Variants in NKAIN3 observed in about 807,000 individuals in gnomAD.
NKAIN3 encodes sodium/potassium-transporting ATPase subunit beta-1-interacting protein 3.
NKAIN3 carries 25 observed loss-of-function variants against 30.2 expected under a neutral mutation model. That is an observed-to-expected ratio of 0.83 (90% confidence interval 0.60 to 1.16). The LOEUF (loss-of-function observed/expected upper bound fraction) is 1.16. Among genes scored for constraint, NKAIN3 ranks in the 50% most tolerant of loss-of-function variants. NKAIN3 has a pLI of 0.00. For synonymous variants in NKAIN3, 91 were observed against 89.6 expected, an observed-to-expected ratio of 1.02 and a Z score of -0.09; for missense variants, 225 against 254.1, an observed-to-expected ratio of 0.89 and a Z score of 0.78.
chr8:62,565,289 A>C (rs1809714307), intron 1 of NKAIN3, among the ~76,000 whole-genome samples: 1 of 152,096 alleles, frequency 6.6e-6, no homozygotes, highest in African/African-American at 2.4e-5. Flanking sequence ...TCATTATATA[A>C]GACCAAACAT....
At chr8:62,508,654 C>G (rs1807720461) in intron 1 of NKAIN3, among the ~76,000 whole-genome samples, 1 of 152,184 alleles carries the variant, frequency 6.6e-6, no homozygotes, top group African/African-American at 2.4e-5. Flanking sequence ...CAGAATCAAT[C>G]TTCTGTAAAG....
intron 1 of NKAIN3, among the ~76,000 whole-genome samples, chr8:62,326,917 G>A (rs966468415): frequency 2.6e-5 from 4 of 151,892 alleles, no homozygotes; most frequent in South Asian, 2.1e-4. Context: ...TTACGTTGCC[G>A]CCGACAGGGA....
At position 62,977,170 on chromosome 8, in the gene NKAIN3, C is replaced by T. The variant is rs1417700881; in HGVS notation, c.*11763C>T. Among the ~76,000 whole-genome samples, 1 of 152,122 alleles carries T rather than the reference C, an allele frequency of 6.6e-6. No homozygotes were observed. The highest frequency in any genetic ancestry group is 2.4e-5 in the African/African-American group (1 of 41,430). On this transcript the variant is annotated 3_prime_UTR_variant, in exon 7 of 7. Transcript: ENST00000623646. ...CTGACGATTATGTGTCTTGGGGTTG[C>T]TCTTCTCAAAGAGTATCTTTGTGGT...
chr8:62,862,725 C>G (rs1820290329), intron 4 of NKAIN3, among the ~76,000 whole-genome samples: 1 of 151,906 alleles, frequency 6.6e-6, no homozygotes, highest in African/African-American at 2.4e-5. Flanking sequence ...GGATACAAGT[C>G]AATGACCTGA....
chr8:62,817,022 C>T (rs752942602), intron 4 of NKAIN3, among the ~76,000 whole-genome samples: 12 of 152,104 alleles, frequency 7.9e-5, no homozygotes, highest in Non-Finnish European at 1.8e-4. Context: ...CAATGGGGAG[C>T]CTCTTTTGGC....
intron 4 of NKAIN3, among the ~76,000 whole-genome samples, chr8:62,762,133 T>G (rs1419270465): frequency 6.6e-6 from 1 of 151,856 alleles, no homozygotes; most frequent in Non-Finnish European, 1.5e-5. Context: ...CTGGCCAACA[T>G]GGTGAAATCC....
intron 1 of NKAIN3, among the ~76,000 whole-genome samples, chr8:62,310,192 TTGAAG>T (rs1814383178): frequency 6.7e-6 from 1 of 150,226 alleles, no homozygotes; most frequent in African/African-American, 2.5e-5. Context: ...GGAGGAAAAC[TTGAAG>T]TGAAACTTCA....
At chr8:62,420,810 A>C (rs1204057360) in intron 1 of NKAIN3, among the ~76,000 whole-genome samples, 1 of 152,226 alleles carries the variant, frequency 6.6e-6, no homozygotes, top group African/African-American at 2.4e-5. Flanking sequence ...ATCATAAATT[A>C]GTTTAAAAAT....
At chr8:62,294,339 C>T (rs1425640981) in intron 1 of NKAIN3, among the ~76,000 whole-genome samples, 4 of 152,136 alleles carry the variant, frequency 2.6e-5, no homozygotes, top group Non-Finnish European at 4.4e-5. Context: ...TCCTATTCAG[C>T]CATCTTCAGC....
intron 1 of NKAIN3, among the ~76,000 whole-genome samples, chr8:62,569,976 CTTTAA>C (rs1462021988): frequency 1.3e-5 from 2 of 152,180 alleles, no homozygotes; most frequent in African/African-American, 2.4e-5. Context: ...ATACAATACA[CTTTAA>C]TTTATTTTGT....
chr8:62,519,291 A>G (rs1407637417), intron 1 of NKAIN3, among the ~76,000 whole-genome samples: 1 of 152,100 alleles, frequency 6.6e-6, no homozygotes, highest in Non-Finnish European at 1.5e-5. Flanking sequence ...GAAAGCAGAA[A>G]TCTCATGTCT....
chr8:62,792,420 A>G lies in NKAIN3; in HGVS notation c.471+45291A>G, dbSNP rs1328543759. Among the ~76,000 whole-genome samples, 5 of 82,380 alleles carry G rather than the reference A, an allele frequency of 6.1e-5. No individual in the cohort carries two copies. The East Asian group carries it at 1.3e-3, about 21-fold the overall frequency. The allele number at this position is 82,380 out of a possible 152,430, so 54.0% of individuals were successfully genotyped here. ...AACCTATTCTCAAACTTTCAACAAG[A>G]GAAAGCATACATTTGCAAGGAAATT... is the stretch of plus-strand genomic sequence containing the variant. On this transcript the variant is annotated intron_variant, in intron 4 of 6. Coordinates refer to ENST00000623646, the MANE Select transcript of NKAIN3 (RefSeq NM_001304533.3).
intron 4 of NKAIN3, among the ~76,000 whole-genome samples, chr8:62,840,890 A>G (rs1819511395): frequency 6.6e-6 from 1 of 152,100 alleles, no homozygotes; most frequent in South Asian, 2.1e-4. Flanking sequence ...GTGCATCATC[A>G]TGGCACCTCT....
intron 1 of NKAIN3, among the ~76,000 whole-genome samples, chr8:62,284,501 C>T (rs1813305942): frequency 6.6e-6 from 1 of 152,072 alleles, no homozygotes; most frequent in Non-Finnish European, 1.5e-5. Flanking sequence ...TGGCACATGC[C>T]TGTAATCCCA....
chr8:62,569,281 C>A (rs1466102933), intron 1 of NKAIN3, among the ~76,000 whole-genome samples: 2 of 152,070 alleles, frequency 1.3e-5, no homozygotes, highest in African/African-American at 2.4e-5. Context: ...AGCTTTTTTT[C>A]AGAGCTCTGA....
intron 5 of NKAIN3, among the ~76,000 whole-genome samples, chr8:62,921,182 A>G (rs1222252583): frequency 6.6e-6 from 1 of 152,240 alleles, no homozygotes; most frequent in Admixed American, 6.5e-5. Flanking sequence ...TAAAATAAGT[A>G]AACAATACTG....
chr8:62,385,489 A>C (rs768937153), intron 1 of NKAIN3, among the ~76,000 whole-genome samples: 1 of 152,212 alleles, frequency 6.6e-6, no homozygotes, highest in Admixed American at 6.5e-5. Context: ...ACACAGTTTC[A>C]CAGTTAACAT....
chr8:62,840,843 C>A (rs1367582644), intron 4 of NKAIN3, among the ~76,000 whole-genome samples: 1 of 152,090 alleles, frequency 6.6e-6, no homozygotes, highest in African/African-American at 2.4e-5. Flanking sequence ...AGTCATCAAA[C>A]CATGCCTCTG....
intron 3 of NKAIN3, among the ~76,000 whole-genome samples, chr8:62,672,983 G>C (rs1485263643): frequency 6.6e-6 from 1 of 152,126 alleles, no homozygotes; most frequent in Non-Finnish European, 1.5e-5. Flanking sequence ...CTGGTTTACT[G>C]GTCATAACAC....
Sources: gnomAD v4.1 joint callset for allele counts (sites outside exome capture counted in the v4.1 genomes callset) on GRCh38, gnomAD v4.1.1 for gene constraint, MANE v1.5 for transcripts, NCBI Gene and HGNC (gene_info 2026-07-23, HGNC 2026-07-21) for gene names.